The following DRC11 variants were observed in gnomAD, a reference collection of about 807,000 sequenced individuals.
The protein encoded by DRC11 is dynein regulatory complex subunit 11, also known as IQ and AAA domain-containing protein 1.
At chr2:236,432,211 T>A in the DRC11 span, among the ~76,000 whole-genome samples, 1 of 152,304 alleles carries the variant, frequency 6.6e-6, no homozygotes, top group Non-Finnish European at 1.5e-5. Flanking sequence ...TTACTAGCCA[T>A]CCATACATCT....
At chr2:236,505,833 C>T in the DRC11 span, among the ~76,000 whole-genome samples, 1 of 152,186 alleles carries the variant, frequency 6.6e-6, no homozygotes, top group Non-Finnish European at 1.5e-5. Context: ...CATTCTGGGC[C>T]ATTCCCTTCC....
the DRC11 span, among the ~76,000 whole-genome samples, chr2:236,446,747 T>C: frequency 4.1e-4 from 62 of 152,224 alleles, no homozygotes; most frequent in Non-Finnish European, 7.9e-4. The surrounding 1 kb of genome is among the most constrained non-coding windows in gnomAD (Gnocchi z 6.2). Flanking sequence ...CGCAAAATGC[T>C]GGGCTCCAGG....
chr2:236,447,746 T>A, the DRC11 span, among the ~76,000 whole-genome samples: 5 of 152,206 alleles, frequency 3.3e-5, no homozygotes, highest in African/African-American at 1.2e-4. This position sits in a 1 kb window ranked among gnomAD's most constrained non-coding sequence, Gnocchi z 4.6. Context: ...ATAGTCCAGG[T>A]TATATTTTTC....
At chr2:236,325,579 T>A in the DRC11 span, among the ~76,000 whole-genome samples, 1 of 151,638 alleles carries the variant, frequency 6.6e-6, no homozygotes, top group Admixed American at 6.6e-5. The surrounding 1 kb of genome is among the most constrained non-coding windows in gnomAD (Gnocchi z 4.4). Flanking sequence ...AGTGGGAAAC[T>A]CTCTTGGTCT....
At chr2:236,465,403 A>G in the DRC11 span, 1 of 953,280 alleles carries the variant, frequency 1.0e-6, no homozygotes, top group Non-Finnish European at 1.6e-6. This position sits in a 1 kb window ranked among gnomAD's most constrained non-coding sequence, Gnocchi z 6.2. Context: ...AAGCCGAGAA[A>G]CCTCATGACT....
the DRC11 span, chr2:236,497,553 G>T: frequency 3.3e-6 from 4 of 1,195,160 alleles, no homozygotes; most frequent in African/African-American, 3.1e-5. The surrounding 1 kb of genome is among the most constrained non-coding windows in gnomAD (Gnocchi z 5.1). Context: ...CATAAACATC[G>T]GGCCTCTGGT....
the DRC11 span, among the ~76,000 whole-genome samples, chr2:236,498,020 A>G: frequency 6.6e-6 from 1 of 152,218 alleles, no homozygotes; most frequent in African/African-American, 2.4e-5. Context: ...ATAAATGTCC[A>G]CCAGTAAGAG....
chr2:236,421,401 A>G, the DRC11 span, among the ~76,000 whole-genome samples: 5 of 152,236 alleles, frequency 3.3e-5, no homozygotes, highest in Non-Finnish European at 7.3e-5. Flanking sequence ...CCACAGAAAT[A>G]CAAACTACCA....
chr2:236,446,536 C>T, the DRC11 span, among the ~76,000 whole-genome samples: 1 of 152,224 alleles, frequency 6.6e-6, no homozygotes, highest in African/African-American at 2.4e-5. The surrounding 1 kb of genome is among the most constrained non-coding windows in gnomAD (Gnocchi z 6.2). Context: ...CGCCCTCTTG[C>T]CCTAATGGGC....
the DRC11 span, among the ~76,000 whole-genome samples, chr2:236,453,471 G>A: frequency 6.6e-6 from 1 of 152,150 alleles, no homozygotes; most frequent in South Asian, 2.1e-4. The surrounding 1 kb of genome is among the most constrained non-coding windows in gnomAD (Gnocchi z 4.9). Context: ...GAGCGTGCTA[G>A]AACAAACCGA....
At chr2:236,464,367 C>T in the DRC11 span, among the ~76,000 whole-genome samples, 1 of 152,138 alleles carries the variant, frequency 6.6e-6, no homozygotes, top group East Asian at 1.9e-4. Flanking sequence ...ATCAAGAAAA[C>T]AGATGGGCAA....
the DRC11 span, among the ~76,000 whole-genome samples, chr2:236,370,245 G>A: frequency 6.6e-6 from 1 of 152,196 alleles, no homozygotes; most frequent in Non-Finnish European, 1.5e-5. The surrounding 1 kb of genome is among the most constrained non-coding windows in gnomAD (Gnocchi z 5.5). Flanking sequence ...CACACGCCAG[G>A]GGCAGCTGAA....
the DRC11 span, among the ~76,000 whole-genome samples, chr2:236,319,965 C>T: frequency 6.6e-6 from 1 of 152,276 alleles, no homozygotes; most frequent in Non-Finnish European, 1.5e-5. The surrounding 1 kb of genome is among the most constrained non-coding windows in gnomAD (Gnocchi z 6.7). Context: ...TTAATGTGTC[C>T]TTCCCCCTCA....
the DRC11 span, chr2:236,368,118 A>G: frequency 1.3e-5 from 11 of 860,904 alleles, no homozygotes; most frequent in East Asian, 2.1e-4. Flanking sequence ...GATGACAAAC[A>G]GGAACACACT....
the DRC11 span, among the ~76,000 whole-genome samples, chr2:236,318,861 C>T: frequency 2.6e-5 from 4 of 152,130 alleles, no homozygotes; most frequent in Non-Finnish European, 4.4e-5. This position sits in a 1 kb window ranked among gnomAD's most constrained non-coding sequence, Gnocchi z 7.0. Flanking sequence ...TGACAGCACC[C>T]GGCTCATCTT....
chr2:236,459,824 T>C, the DRC11 span, among the ~76,000 whole-genome samples: 3 of 152,016 alleles, frequency 2.0e-5, no homozygotes, highest in South Asian at 6.2e-4. Flanking sequence ...GCGAATGTTC[T>C]ACAACGAACA....
chr2:236,310,492 T>C, the DRC11 span, among the ~76,000 whole-genome samples: 2 of 152,186 alleles, frequency 1.3e-5, no homozygotes, highest in Non-Finnish European at 2.9e-5. The surrounding 1 kb of genome is among the most constrained non-coding windows in gnomAD (Gnocchi z 5.5). Flanking sequence ...TGAGTATGTA[T>C]CATGCAAGAT....
the DRC11 span, chr2:236,465,559 A>T: frequency 6.2e-7 from 1 of 1,613,896 alleles, no homozygotes; most frequent in South Asian, 1.1e-5. The surrounding 1 kb of genome is among the most constrained non-coding windows in gnomAD (Gnocchi z 6.2). Flanking sequence ...CTTGATATCC[A>T]CGCCTTCTAT....
the DRC11 span, among the ~76,000 whole-genome samples, chr2:236,325,290 C>G: frequency 1.6e-4 from 24 of 152,240 alleles, no homozygotes; most frequent in Non-Finnish European, 2.9e-4. The surrounding 1 kb of genome is among the most constrained non-coding windows in gnomAD (Gnocchi z 4.4). Context: ...TTATTTGAAA[C>G]CTAAGAGACA....
Sources: allele counts gnomAD v4.1 joint callset (sites outside exome capture counted in the v4.1 genomes callset), GRCh38; gene constraint gnomAD v4.1.1; non-coding constraint Gnocchi (gnomAD v3.1); transcripts MANE v1.5; gene names NCBI Gene and HGNC (gene_info 2026-07-23, HGNC 2026-07-21).